Variants in DNAH5 observed in about 807,000 individuals in gnomAD.
DNAH5 encodes axonemal beta dynein heavy chain 5.
DNAH5 carries 372 observed loss-of-function variants against 518.2 expected under a neutral mutation model. The ratio of observed to expected loss-of-function variants is 0.72; its 90% CI spans 0.66 to 0.78. The LOEUF (loss-of-function observed/expected upper bound fraction) is 0.78, where lower values mean the gene tolerates loss of function less well. Ranked by LOEUF, DNAH5 falls within the 30% of genes least tolerant of loss-of-function variation. DNAH5 has a pLI of 0.00. For synonymous variants in DNAH5, 2,039 were observed against 2,025.9 expected (o/e 1.01, Z -0.17); for missense variants, 5,523 against 5,687.0 (o/e 0.97, Z 0.93).
chr5:13,809,383 T>C (rs1760229023), intron 45 of DNAH5, among the ~76,000 whole-genome samples, 197 bp from the exon 46 acceptor site: 1 of 152,172 alleles, frequency 6.6e-6, no homozygotes, highest in South Asian at 2.1e-4. Flanking sequence ...TTCAAGGTGG[T>C]AAACCTAGGA....
intron 47 of DNAH5, among the ~76,000 whole-genome samples, chr5:13,797,482 T>C (rs1758008973): frequency 6.6e-6 from 1 of 152,060 alleles, no homozygotes; most frequent in Non-Finnish European, 1.5e-5. Flanking sequence ...ATCAGAGAAA[T>C]GCAAATCAAA....
intron 21 of DNAH5, among the ~76,000 whole-genome samples, chr5:13,880,540 C>CA (rs1416147397): frequency 8.6e-5 from 13 of 151,646 alleles, no homozygotes; most frequent in African/African-American, 2.9e-4. Context: ...AATGTGACAC[C>CA]AAAAACTTAA....
intron 31 of DNAH5, among the ~76,000 whole-genome samples, chr5:13,847,318 A>C (rs1363027639): frequency 4.0e-5 from 6 of 150,144 alleles, no homozygotes; most frequent in Admixed American, 6.7e-5. Flanking sequence ...CAGTTAAAAA[A>C]AAAAGTGTGA....
intron 41 of DNAH5, among the ~76,000 whole-genome samples, chr5:13,818,253 AG>A (rs1761719038): frequency 6.6e-6 from 1 of 152,254 alleles, no homozygotes; most frequent in African/African-American, 2.4e-5. Context: ...TCTGTGCATA[AG>A]GGACTGTGGT....
intron 1 of DNAH5, among the ~76,000 whole-genome samples, chr5:13,941,684 C>T (rs534455948): frequency 6.6e-6 from 1 of 152,356 alleles, no homozygotes; most frequent in African/African-American, 2.4e-5. Context: ...GGGAGGTGTG[C>T]TCTCTTCCCC....
rs147339019 is a variant in DNAH5 at position 13,859,535 on chromosome 5, C to G, written c.4867G>C (p.Glu1623Gln). 1 of 1,613,972 alleles carries G rather than the reference C, an allele frequency of 6.2e-7. No homozygotes were observed. Among genetic ancestry groups the G allele is most frequent in the Non-Finnish European group, 8.5e-7 (1 of 1,179,912 alleles). The change falls in exon 30 of 79, where the codon GAG becomes CAG. Residue 1623 changes from glutamate (E) to glutamine (Q), a missense_variant. Physicochemically the swap from Glu to Gln is conservative, Grantham distance 29. Coordinates refer to ENST00000265104, the MANE Select transcript of DNAH5 (RefSeq NM_001369.3). The part of the protein sequence containing the change: ...QYLSNSTDII[E>Q]SWMTVQNLWI... Reference sequence around the variant, plus strand: ...AGGTTTTGCACCGTCATCCAGCTCTCGATGATGTCTGTTGAGTTGGAAAGG... The same window carrying G: ...AGGTTTTGCACCGTCATCCAGCTCTGGATGATGTCTGTTGAGTTGGAAAGG...
At chr5:13,879,164 A>C (rs1199850615) in intron 21 of DNAH5, among the ~76,000 whole-genome samples, 1 of 152,206 alleles carries the variant, frequency 6.6e-6, no homozygotes, top group Non-Finnish European at 1.5e-5. Flanking sequence ...CACAGAAACC[A>C]ACACAGAGGG....
intron 65 of DNAH5, among the ~76,000 whole-genome samples, chr5:13,750,842 T>C (rs191856211): frequency 8.5e-5 from 13 of 152,296 alleles, no homozygotes; most frequent in Admixed American, 6.5e-4. Flanking sequence ...CATCAGTCTG[T>C]ATAAAGGCAA....
intron 33 of DNAH5, 32 bp from the exon 34 acceptor site, chr5:13,841,162 G>C: frequency 6.6e-7 from 1 of 1,511,590 alleles, no homozygotes; most frequent in Non-Finnish European, 9.2e-7. Context: ...TCATGAATTT[G>C]TATGGCATAT....
Position 13,933,937 on chromosome 5 carries a change from T to C in DNAH5, c.58-2693A>G, listed in dbSNP as rs566078894. Reference sequence around the variant, plus strand: ...GGGTTAATTAGGATATCTTTAGGGATTGTGTTTACAGGATGGTTGCAGCTT... The same window carrying C: ...GGGTTAATTAGGATATCTTTAGGGACTGTGTTTACAGGATGGTTGCAGCTT... On this transcript the variant is annotated intron_variant, in intron 1 of 78. Coordinates refer to ENST00000265104, the MANE Select transcript of DNAH5 (RefSeq NM_001369.3). Among the ~76,000 whole-genome samples the C allele has an allele frequency of 6.6e-4, 100 of 152,176 alleles. 2 individuals are homozygous for C. In the South Asian group the frequency reaches 0.015, roughly 23 times the overall value.
intron 58 of DNAH5, among the ~76,000 whole-genome samples, chr5:13,767,116 A>G (rs1323880470): frequency 6.6e-6 from 1 of 152,058 alleles, no homozygotes; most frequent in Non-Finnish European, 1.5e-5. Flanking sequence ...GTATATATAT[A>G]TAGTTTTGCT....
At chr5:13,712,278 T>G (rs1247630420) in intron 75 of DNAH5, among the ~76,000 whole-genome samples, 1 of 152,100 alleles carries the variant, frequency 6.6e-6, no homozygotes, top group Non-Finnish European at 1.5e-5. Context: ...TGTATAAGAA[T>G]AAAACTGGAC....
intron 70 of DNAH5, 115 bp from the exon 71 acceptor site, chr5:13,721,360 C>A (rs1745038219): frequency 1.6e-6 from 2 of 1,261,450 alleles, no homozygotes; most frequent in African/African-American, 3.0e-5. Context: ...CCACAGTAAC[C>A]CTGTCAGGCA....
chr5:13,829,854 TAA>T, intron 37 of DNAH5, 150 bp from the exon 38 acceptor site: 1 of 1,107,670 alleles, frequency 9.0e-7, no homozygotes, highest in East Asian at 2.5e-5. Flanking sequence ...CTGGACAGGC[TAA>T]GTCATGAGCT....
In DNAH5 at chr5:13,882,801, T is replaced by G. The variant is rs1325940654; in HGVS notation, c.3189A>C (p.Glu1063Asp). The G allele has an allele frequency of 1.9e-6, 3 of 1,614,002 alleles. No individual in the cohort carries two copies. In the African/African-American group the frequency reaches 4.0e-5, roughly 22 times the overall value. ...TACTCTGCAAAGCAGCCATTTTTCT[T>G]TCTTGTATCTTTTTCTACAATGTAA... is the stretch of plus-strand genomic sequence containing the variant. ...SELLSKKKIQERKMAALQSNE... is the reference protein window; with the variant it reads ...SELLSKKKIQDRKMAALQSNE... The change falls in exon 21 of 79, where the codon GAA becomes GAC. Residue 1063 changes from glutamate (E) to aspartate (D), a missense_variant. By Grantham distance (45) the Glu-to-Asp change is conservative (BLOSUM62 2). Coordinates refer to ENST00000265104, the MANE Select transcript of DNAH5 (RefSeq NM_001369.3).
intron 1 of DNAH5, among the ~76,000 whole-genome samples, chr5:13,985,629 G>GTTGTTTGTTTGT (rs1783001298): frequency 6.6e-6 from 1 of 151,990 alleles, no homozygotes; most frequent in African/African-American, 2.4e-5. Flanking sequence ...AACTAAGCTT[G>GTTGTTTGTTTGT]TGATTTGTTA....
At chr5:13,776,814 C>T (rs890965117) in intron 54 of DNAH5, 108 bp from the exon 55 acceptor site, 1 of 1,248,684 alleles carries the variant, frequency 8.0e-7, no homozygotes, top group Non-Finnish European at 1.1e-6. Flanking sequence ...TTCTTGAACT[C>T]ACCTACAGAA....
intron 47 of DNAH5, among the ~76,000 whole-genome samples, chr5:13,801,641 G>T (rs1283399962): frequency 6.6e-6 from 1 of 152,282 alleles, no homozygotes; most frequent in East Asian, 1.9e-4. Flanking sequence ...GTGCAGCCAT[G>T]TCTCTTGCAT....
Position 13,797,053 on chromosome 5 carries a change from A to C in DNAH5, c.7888-2995T>G, listed in dbSNP as rs1757937974. 2.6e-5 allele frequency among the ~76,000 whole-genome samples: 4 copies of C among 152,348 alleles called. No homozygotes were observed. In the South Asian group the frequency reaches 8.3e-4, roughly 32 times the overall value. On this transcript the variant is annotated intron_variant, in intron 47 of 78. Coordinates refer to ENST00000265104, the MANE Select transcript of DNAH5 (RefSeq NM_001369.3). ...TACACCTTATACAAAAATTAATTCA[A>C]GATGGATTAAAGACTTAAATGTTAG...
Sources: gnomAD v4.1 joint callset for allele counts (sites outside exome capture counted in the v4.1 genomes callset) on GRCh38, gnomAD v4.1.1 for gene constraint, MANE v1.5 for transcripts, NCBI Gene and HGNC (gene_info 2026-07-23, HGNC 2026-07-21) for gene names.